CNTNAP4: variants seen among roughly 807,000 people sequenced by gnomAD.
CNTNAP4 encodes contactin associated protein family member 4.
In CNTNAP4, 98 loss-of-function variants were observed where a neutral mutation model predicts 148.4. That is an observed-to-expected ratio of 0.66 (90% CI 0.56 to 0.78). The LOEUF (loss-of-function observed/expected upper bound fraction) is 0.78. Ranked by LOEUF, CNTNAP4 falls within the 30% of genes least tolerant of loss-of-function variation. The pLI, the probability that CNTNAP4 is intolerant of heterozygous loss-of-function variation, is 0.00. For synonymous variants in CNTNAP4, 730 were observed against 565.1 expected (o/e 1.29, Z -4.14); for missense variants, 1,935 against 1,565.6 (o/e 1.24, Z -3.98).
At chr16:76,407,004 C>T (rs2078620565) in intron 3 of CNTNAP4, among the ~76,000 whole-genome samples, 1 of 152,146 alleles carries the variant, frequency 6.6e-6, no homozygotes, top group Non-Finnish European at 1.5e-5. Context: ...AAGATGCCAT[C>T]TAGAACTTTC....
Position 76,558,846 on chromosome 16 carries a change from A to C in CNTNAP4, c.*163A>C. 2 of 503,836 alleles carry C rather than the reference A, an allele frequency of 4.0e-6. No individual in the cohort carries two copies. Among genetic ancestry groups the C allele is most frequent in the Admixed American group, 3.7e-5 (1 of 26,744 alleles). 31.2% of individuals were successfully genotyped at this position (503,836 alleles called of 1,614,324 possible). ...GGGGTGGCTCCAGGAAGCCTCGTCC[A>C]GTGATATATTTCTCATAGCATTCAT... On this transcript the variant is annotated 3_prime_UTR_variant, in exon 24 of 24. Coordinates refer to ENST00000611870, the MANE Select transcript of CNTNAP4 (RefSeq NM_033401.5).
intron 10 of CNTNAP4, among the ~76,000 whole-genome samples, chr16:76,468,213 C>G (rs1413883965): frequency 6.6e-6 from 1 of 152,064 alleles, no homozygotes; most frequent in African/African-American, 2.4e-5. Context: ...GTGGCTCATG[C>G]CTGTAATCCC....
Position 76,467,469 on chromosome 16 carries a change from G to A in CNTNAP4, c.1601G>A (p.Gly534Glu). Reference protein sequence around the residue: ...KVVDLISVQQGSLGNFSDLQI... With the variant: ...KVVDLISVQQESLGNFSDLQI... ...GTAGATCTGATTTCAGTTCAGCAGG[G>A]GTCCCTTGGGAACTTCAGTGACCTT... Residue 534 changes from glycine to glutamate, a missense_variant, in exon 10 of 24, where the codon GGG becomes GAG. Coordinates refer to ENST00000611870, the MANE Select transcript of CNTNAP4 (RefSeq NM_033401.5). 6.2e-7 allele frequency: 1 copy of A among 1,613,748 alleles called. No homozygotes were observed. The highest frequency in any genetic ancestry group is 8.5e-7 in the Non-Finnish European group (1 of 1,179,798).
At chr16:76,425,392 A>G (rs1200004019) in intron 3 of CNTNAP4, among the ~76,000 whole-genome samples, 3 of 152,158 alleles carry the variant, frequency 2.0e-5, no homozygotes, top group Non-Finnish European at 2.9e-5. Context: ...TCAAACATAC[A>G]CATTCAACAT....
chr16:76,328,111 C>T (rs1963173495), intron 2 of CNTNAP4, among the ~76,000 whole-genome samples: 1 of 152,188 alleles, frequency 6.6e-6, no homozygotes, highest in Non-Finnish European at 1.5e-5. Flanking sequence ...GATCATAATT[C>T]TCTACCTCTG....
intron 2 of CNTNAP4, among the ~76,000 whole-genome samples, chr16:76,332,384 C>T (rs1304447558): frequency 1.3e-5 from 2 of 152,078 alleles, no homozygotes; most frequent in African/African-American, 4.8e-5. Flanking sequence ...CCTTAGTCTC[C>T]TGAGTAGCTG....
intron 3 of CNTNAP4, among the ~76,000 whole-genome samples, chr16:76,402,120 A>G (rs1017161616): frequency 6.6e-6 from 1 of 152,162 alleles, no homozygotes; most frequent in African/African-American, 2.4e-5. Flanking sequence ...TGGGAATGGT[A>G]CCAGCTCTTC....
chr16:76,356,662 A>T (rs2012692191), intron 3 of CNTNAP4, among the ~76,000 whole-genome samples: 1 of 152,208 alleles, frequency 6.6e-6, no homozygotes, highest in African/African-American at 2.4e-5. Context: ...TCTCTGGCTG[A>T]GTTGCTGGAA....
rs777726271 is a variant in CNTNAP4 at position 76,490,140 on chromosome 16, A to G, written c.2080+257A>G. Among the ~76,000 whole-genome samples the G allele has an allele frequency of 5.3e-5, 8 of 152,340 alleles. No homozygotes were observed. In the South Asian group the frequency reaches 6.2e-4, roughly 12 times the overall value. ...ACTCTCTTCCTGGCATTAATTGGAT[A>G]ACTGTACAGCAAAGGCCTCCTTCTG... On this transcript the variant is annotated intron_variant, in intron 13 of 23. Transcript: ENST00000611870.
intron 17 of CNTNAP4, among the ~76,000 whole-genome samples, chr16:76,522,610 TTTCCTTCCTTCC>T (rs764499941): frequency 1.7e-5 from 1 of 59,620 alleles, no homozygotes; most frequent in Non-Finnish European, 3.7e-5. Flanking sequence ...CTTTTCTTTA[TTTCCTTCCTTCC>T]TTCCTTCCTT....
In CNTNAP4 at chr16:76,539,719, G is replaced by A. The variant is rs1157798980; in HGVS notation, c.3221G>A (p.Gly1074Glu). Residue 1074 changes from glycine (G) to glutamate (E), a missense_variant and splice_region_variant, in exon 20 of 24, where the codon GGA (glycine) becomes GAA (glutamate). Physicochemically the swap from Gly to Glu is moderately conservative, Grantham distance 98. Coordinates refer to ENST00000611870, the MANE Select transcript of CNTNAP4 (RefSeq NM_033401.5). ...GAATCACAATTTTTCCCCACTCTAG[G>A]AAGTTTGCAGATCAGGTACAAGTTA... is the stretch of plus-strand genomic sequence containing the variant. Reference protein sequence around the residue: ...EYLSVIIAKNGSLQIRYKLNK... With the variant: ...EYLSVIIAKNESLQIRYKLNK... 2.5e-6 allele frequency: 4 copies of A among 1,589,812 alleles called. No individual in the cohort carries two copies. Among genetic ancestry groups the A allele is most frequent in the South Asian group, 1.2e-5 (1 of 85,892 alleles).
In CNTNAP4 at chr16:76,542,700, C is replaced by T. The variant is rs531768649; in HGVS notation, c.3442+1910C>T. 4.7e-4 allele frequency among the ~76,000 whole-genome samples: 72 copies of T among 152,286 alleles called. No individual in the cohort carries two copies. The South Asian group carries it at 5.0e-3, about 11-fold the overall frequency. ...CAGAAGACTCAGCTCCTTATTCTGT[C>T]CTCACTTAAGCCTACCTGCCACATA... On this transcript the variant is annotated intron_variant, in intron 21 of 23. Coordinates refer to ENST00000611870, the MANE Select transcript of CNTNAP4 (RefSeq NM_033401.5).
At chr16:76,344,992 C>T (rs1344432625) in intron 2 of CNTNAP4, among the ~76,000 whole-genome samples, 1 of 152,186 alleles carries the variant, frequency 6.6e-6, no homozygotes, top group Non-Finnish European at 1.5e-5. Flanking sequence ...AGGACAGTGA[C>T]ATCTGAGTCT....
intron 4 of CNTNAP4, among the ~76,000 whole-genome samples, chr16:76,429,897 TA>T (rs2079550121): frequency 6.6e-6 from 1 of 152,198 alleles, no homozygotes; most frequent in Non-Finnish European, 1.5e-5. Context: ...AACTCAAACT[TA>T]AACACATATA....
chr16:76,520,824 T>C (rs555840983), intron 15 of CNTNAP4, among the ~76,000 whole-genome samples: 8 of 152,316 alleles, frequency 5.3e-5, no homozygotes, highest in African/African-American at 1.4e-4. Context: ...GATCGTATAA[T>C]ATCACTTTGG....
At chr16:76,421,867 T>G (rs2079202064) in intron 3 of CNTNAP4, among the ~76,000 whole-genome samples, 1 of 152,160 alleles carries the variant, frequency 6.6e-6, no homozygotes, top group African/African-American at 2.4e-5. Flanking sequence ...TGGACTGATT[T>G]CTATATAATT....
chr16:76,341,108 A>G (rs565581344), intron 2 of CNTNAP4, among the ~76,000 whole-genome samples: 1 of 152,154 alleles, frequency 6.6e-6, no homozygotes, highest in African/African-American at 2.4e-5. Context: ...GAAAGCCATT[A>G]TTCGTTCTTC....
chr16:76,314,626 C>A (rs188844391), intron 1 of CNTNAP4, among the ~76,000 whole-genome samples: 1 of 152,264 alleles, frequency 6.6e-6, no homozygotes, highest in East Asian at 1.9e-4. Flanking sequence ...CATCAGGACA[C>A]GCCCAAGTCT....
At chr16:76,513,112 T>C (rs1283566565) in intron 15 of CNTNAP4, among the ~76,000 whole-genome samples, 1 of 152,098 alleles carries the variant, frequency 6.6e-6, no homozygotes, top group Non-Finnish European at 1.5e-5. Context: ...ATGTCTGTGT[T>C]AGTAAGAGAG....
Sources: allele counts gnomAD v4.1 joint callset (sites outside exome capture counted in the v4.1 genomes callset), GRCh38; gene constraint gnomAD v4.1.1; transcripts MANE v1.5; gene names NCBI Gene and HGNC (gene_info 2026-07-23, HGNC 2026-07-21).